Variants in PHLDB2 observed in about 807,000 individuals in gnomAD.
The protein encoded by PHLDB2 is pleckstrin homology like domain family B member 2.
Under a neutral mutation model 123.6 loss-of-function variants are expected in PHLDB2, and 71 were observed. The ratio of observed to expected loss-of-function variants is 0.57; its 90% CI spans 0.47 to 0.70. The LOEUF is 0.70. PHLDB2 is among the 30% of genes least tolerant of loss of function. The probability of loss-of-function intolerance (pLI) is 0.00; values close to 1 mark genes in which losing one functional copy is unlikely to be tolerated. For synonymous variants in PHLDB2, 547 were observed against 541.6 expected, an observed-to-expected ratio of 1.01 and a Z score of -0.14; for missense variants, 1,446 against 1,519.5, an observed-to-expected ratio of 0.95 and a Z score of 0.80.
chr3:111,776,613 G>A (rs1277622356), intron 1 of PHLDB2, among the ~76,000 whole-genome samples: 1 of 152,076 alleles, frequency 6.6e-6, no homozygotes, highest in African/African-American at 2.4e-5. Context: ...AAAATGTGAA[G>A]GAAGGGATTT....
chr3:111,896,925 A>G (rs1255686601), intron 2 of PHLDB2, among the ~76,000 whole-genome samples: 1 of 152,174 alleles, frequency 6.6e-6, no homozygotes, highest in East Asian at 1.9e-4. Context: ...CAATCATAGG[A>G]CGTAATTCAA....
intron 2 of PHLDB2, among the ~76,000 whole-genome samples, chr3:111,903,648 A>T (rs1156977579): frequency 6.6e-6 from 1 of 152,220 alleles, no homozygotes; most frequent in Non-Finnish European, 1.5e-5. Flanking sequence ...TTCAGAGTCT[A>T]CAAGATAATT....
chr3:111,748,537 CT>C (rs1026112270), intron 1 of PHLDB2, among the ~76,000 whole-genome samples: 6 of 151,778 alleles, frequency 4.0e-5, no homozygotes, highest in Non-Finnish European at 7.4e-5. Flanking sequence ...TTTTCTTTTT[CT>C]TTTTTTTCTT....
At chr3:111,760,074 C>T (rs1247203768) in intron 1 of PHLDB2, among the ~76,000 whole-genome samples, 3 of 152,220 alleles carry the variant, frequency 2.0e-5, no homozygotes, top group Non-Finnish European at 4.4e-5. Context: ...CATTGCTAGG[C>T]AATCTTCACT....
At chr3:111,815,428 A>G (rs1358120857) in intron 1 of PHLDB2, among the ~76,000 whole-genome samples, 4 of 152,194 alleles carry the variant, frequency 2.6e-5, no homozygotes, top group Non-Finnish European at 4.4e-5. Context: ...GCTGATAATG[A>G]TATGGATAAT....
chr3:111,949,219 A>C (rs1388770470), intron 10 of PHLDB2, 144 bp downstream of exon 10: 2 of 918,996 alleles, frequency 2.2e-6, no homozygotes, highest in East Asian at 5.3e-5. Context: ...GGCTGAGTTT[A>C]TAAAGTATAC....
intron 1 of PHLDB2, among the ~76,000 whole-genome samples, chr3:111,790,643 G>T (rs7650348): frequency 0.024 from 3,635 of 152,272 alleles, 64 homozygotes; most frequent in Non-Finnish European, 0.03. Context: ...GTTTGATGAG[G>T]TGAGCGCAGT....
In PHLDB2 at chr3:111,780,398, A is replaced by AGG. The variant is rs1491176114; in HGVS notation, c.-49+47695_-49+47696insGG. On this transcript the variant is annotated intron_variant, in intron 1 of 17. Transcript: ENST00000393923. The stretch of plus-strand genomic sequence containing the variant: ...GAAGAAGAAGAAGAAGAAGAAGAAG[A>AGG]AGAAGAAGAAGAAAAAGATTAGTTC... Among the ~76,000 whole-genome samples the AGG allele has an allele frequency of 1.6e-3, 35 of 22,458 alleles. 7 individuals are homozygous for AGG. Among genetic ancestry groups the AGG allele is most frequent in the South Asian group, 6.5e-3 (1 of 154 alleles). 14.7% of individuals were successfully genotyped at this position (22,458 alleles called of 152,430 possible).
chr3:111,939,582 G>C lies in PHLDB2; in HGVS notation c.2238G>C (p.Gln746His), dbSNP rs2069729108. ...LDEEKENLTQ[Q>H]LLREVAEYQR... ...AAGAAAAGGAGAACTTGACTCAACAGCTCCTGCGTGAAGTTGCTGAATATC... is the reference window on the plus strand; with the variant it reads ...AAGAAAAGGAGAACTTGACTCAACACCTCCTGCGTGAAGTTGCTGAATATC... Residue 746 changes from glutamine to histidine, a missense_variant, in exon 7 of 18, where the codon CAG becomes CAC. Physicochemically the swap from Gln to His is conservative, Grantham distance 24. Transcript: ENST00000431670. 1 of 1,613,670 alleles carries C rather than the reference G, an allele frequency of 6.2e-7. No homozygotes were observed. Among genetic ancestry groups the C allele is most frequent in the African/African-American group, 1.3e-5 (1 of 74,904 alleles).
intron 1 of PHLDB2, among the ~76,000 whole-genome samples, chr3:111,819,322 G>A (rs1433261001): frequency 3.3e-5 from 5 of 152,144 alleles, no homozygotes; most frequent in Admixed American, 2.0e-4. Context: ...AAATCTTCGA[G>A]ACTTCAAACA....
rs192126623 is a variant in PHLDB2, at chr3:111,929,038, A to C, written c.2002-3231A>C. ...GCACTTTAGGAGGCCGAAGTGGGAA[A>C]ATCTCTTGAGCCCATGAGTTCAAGA... On this transcript the variant is annotated intron_variant, in intron 5 of 17. Transcript: ENST00000431670. Among the ~76,000 whole-genome samples, 842 of 152,274 alleles carry C rather than the reference A, an allele frequency of 5.5e-3. 7 individuals carry two copies. The highest frequency in any genetic ancestry group is 0.01 in the Middle Eastern group (3 of 294).
intron 1 of PHLDB2, among the ~76,000 whole-genome samples, chr3:111,757,944 C>T (rs954058167): frequency 2.6e-5 from 4 of 152,186 alleles, no homozygotes; most frequent in African/African-American, 9.7e-5. Flanking sequence ...ATGCTGCTGT[C>T]TGATCGTTCC....
At chr3:111,972,048 G>C (rs986505380) in intron 16 of PHLDB2, among the ~76,000 whole-genome samples, 1 of 152,152 alleles carries the variant, frequency 6.6e-6, no homozygotes, top group Non-Finnish European at 1.5e-5. Context: ...ATTTTTCAGA[G>C]TTCTTTCTCA....
chr3:111,740,065 C>T (rs967431874), intron 1 of PHLDB2, among the ~76,000 whole-genome samples: 2 of 152,054 alleles, frequency 1.3e-5, no homozygotes, highest in Middle Eastern at 3.4e-3. Context: ...GAAGGCAGCC[C>T]GGGCAGTACA....
chr3:111,831,030 A>AAAGGAAGG lies in PHLDB2; in HGVS notation c.-48-14783_-48-14776dup, dbSNP rs146504275. Among the ~76,000 whole-genome samples, 19 of 72,082 alleles carry AAAGGAAGG rather than the reference A, an allele frequency of 2.6e-4. 1 individual carries two copies. The highest frequency in any genetic ancestry group is 5.2e-4 in the Non-Finnish European group (18 of 34,288). The allele number at this position is 72,082 out of a possible 152,430, so 47.3% of individuals were successfully genotyped here. ...GAAAGAAAGAAAGAAAGAAAGAAAG[A>AAAGGAAGG]AAGGAAGGAAGGAAGAAAGAGAAAA... is the stretch of plus-strand genomic sequence containing the variant. On this transcript the variant is annotated intron_variant, in intron 1 of 17. Coordinates refer to the PHLDB2 transcript ENST00000393923.
chr3:111,823,970 A>G (rs1461447385), intron 1 of PHLDB2, among the ~76,000 whole-genome samples: 1 of 152,170 alleles, frequency 6.6e-6, no homozygotes, highest in Non-Finnish European at 1.5e-5. Context: ...ACTCATAAAA[A>G]GTTTCAGAGC....
At position 111,953,934 on chromosome 3, in the gene PHLDB2, A is replaced by G. The variant is rs764470305; in HGVS notation, c.2777A>G (p.His926Arg). 4 of 1,613,298 alleles carry G rather than the reference A, an allele frequency of 2.5e-6. No homozygotes were observed. In the South Asian group the frequency reaches 4.4e-5, roughly 18 times the overall value. Residue 926 changes from histidine to arginine, a missense_variant, in exon 12 of 18, where the codon CAT becomes CGT. Coordinates refer to ENST00000431670, the MANE Select transcript of PHLDB2 (RefSeq NM_001134438.2). ...TMGRSITPKAHLPLGQSNSCG... is the reference protein window; with the variant it reads ...TMGRSITPKARLPLGQSNSCG... ...ACTCCCTCCTGCTTCCCGCAGGCCC[A>G]TCTGCCCCTAGGACAGAGTAACAGC...
chr3:111,923,833 T>C (rs1289050585), intron 5 of PHLDB2, among the ~76,000 whole-genome samples: 2 of 152,230 alleles, frequency 1.3e-5, no homozygotes, highest in Non-Finnish European at 2.9e-5. Context: ...TTCTCTATTA[T>C]GAAAATCTCT....
intron 17 of PHLDB2, 67 bp downstream of exon 17, chr3:111,973,884 A>T (rs1216097327): frequency 6.1e-6 from 6 of 991,648 alleles, no homozygotes; most frequent in South Asian, 1.6e-5. Flanking sequence ...ATATTTTTGG[A>T]GTCTAAGAAG....
Sources: gnomAD v4.1 joint callset for allele counts (sites outside exome capture counted in the v4.1 genomes callset) on GRCh38, gnomAD v4.1.1 for gene constraint, MANE v1.5 for transcripts, NCBI Gene and HGNC (gene_info 2026-07-23, HGNC 2026-07-21) for gene names.